FOSL2: variants seen among roughly 807,000 people sequenced by gnomAD.
FOSL2 encodes FOS like 2, AP-1 transcription factor subunit, also known as fos-related antigen 2.
Under a neutral mutation model 27.7 loss-of-function variants are expected in FOSL2, and 3 were observed. That is an observed-to-expected ratio of 0.11 (90% CI 0.05 to 0.28). FOSL2 has a LOEUF of 0.28. Among genes scored for constraint, FOSL2 ranks in the 10% least tolerant of loss-of-function variants. The pLI is 1.00. For synonymous variants in FOSL2, 179 were observed against 190.1 expected, an observed-to-expected ratio of 0.94 and a Z score of 0.48; for missense variants, 333 against 445.1, an observed-to-expected ratio of 0.75 and a Z score of 2.27.
intron 1 of FOSL2, among the ~76,000 whole-genome samples, chr2:28,400,945 G>A (rs1663958747): frequency 1.3e-5 from 2 of 152,154 alleles, no homozygotes; most frequent in African/African-American, 2.4e-5. Flanking sequence ...GACTTTCTTA[G>A]GTGCTTTCCT....
intron 1 of FOSL2, among the ~76,000 whole-genome samples, chr2:28,400,149 G>A (rs1017238312): frequency 1.3e-5 from 2 of 152,172 alleles, no homozygotes; most frequent in Non-Finnish European, 2.9e-5. Context: ...AGAGCCCCAG[G>A]CAGCCGAGTG....
chr2:28,397,031 A>C (rs1663859826), intron 1 of FOSL2: 1 of 152,078 alleles, frequency 6.6e-6, no homozygotes, highest in Admixed American at 6.6e-5. Flanking sequence ...TAAATTGGTG[A>C]GTTTGGAATT....
intron 1 of FOSL2, among the ~76,000 whole-genome samples, chr2:28,402,978 G>T (rs1186575130): frequency 6.6e-6 from 1 of 152,176 alleles, no homozygotes; most frequent in Non-Finnish European, 1.5e-5. Flanking sequence ...TTTAGTAAGT[G>T]CCCAGGAAGT....
At position 28,412,759 on chromosome 2, in the gene FOSL2, T is replaced by C; in HGVS notation, c.*311T>C. The C allele has an allele frequency of 2.6e-6, 1 of 381,000 alleles. No homozygotes were observed. The highest frequency in any genetic ancestry group is 4.9e-6 in the Non-Finnish European group (1 of 204,932). 23.6% of individuals were successfully genotyped at this position (381,000 alleles called of 1,614,324 possible). On this transcript the variant is annotated 3_prime_UTR_variant, in exon 4 of 4. Coordinates refer to ENST00000264716, the MANE Select transcript of FOSL2 (RefSeq NM_005253.4). This position sits in a 1 kb window ranked among gnomAD's most constrained non-coding sequence, Gnocchi z 7.1. ...GCTTCTGAAGAGCCTGAAGCTGGCCTGGACCATTCCTGTCCCTTTGTTACC... is the reference window on the plus strand; with the variant it reads ...GCTTCTGAAGAGCCTGAAGCTGGCCCGGACCATTCCTGTCCCTTTGTTACC...
Position 28,412,604 on chromosome 2 carries a change from G to A in FOSL2, c.*156G>A. 1.3e-6 allele frequency: 1 copy of A among 753,012 alleles called. No individual in the cohort carries two copies. Among genetic ancestry groups the A allele is most frequent in the Non-Finnish European group, 2.1e-6 (1 of 475,006 alleles). The allele number at this position is 753,012 out of a possible 1,614,324, so 46.6% of individuals were successfully genotyped here. A position where few individuals can be genotyped will look rare whatever the true frequency, so the allele number is the denominator to read the frequency against. On this transcript the variant is annotated 3_prime_UTR_variant, in exon 4 of 4. Coordinates refer to ENST00000264716, the MANE Select transcript of FOSL2 (RefSeq NM_005253.4). The surrounding 1 kb of genome is among the most constrained non-coding windows in gnomAD (Gnocchi z 7.1). ...TGGGGGACCCAGGTGGGACTTAGCAGTGAGTATTGGAAGACTTGGGTTGAT... is the reference window on the plus strand; with the variant it reads ...TGGGGGACCCAGGTGGGACTTAGCAATGAGTATTGGAAGACTTGGGTTGAT...
rs1664045330 is a variant in FOSL2, at chr2:28,404,854, AG to A, written c.354+497del. ...TGCCCACGACTTCCCATTCCTCCTC[AG>A]TGTTCTAGGCCTCCAACTCGGAGCA... On this transcript the variant is annotated intron_variant, in intron 2 of 3. Coordinates refer to ENST00000264716, the MANE Select transcript of FOSL2 (RefSeq NM_005253.4). This position sits in a 1 kb window ranked among gnomAD's most constrained non-coding sequence, Gnocchi z 4.7. Among the ~76,000 whole-genome samples, 1 of 152,066 alleles carries A rather than the reference AG, an allele frequency of 6.6e-6. No homozygotes were observed. The highest frequency in any genetic ancestry group is 1.5e-5 in the Non-Finnish European group (1 of 68,012).
chr2:28,406,651 G>A (rs1015402133), intron 2 of FOSL2, among the ~76,000 whole-genome samples: 3 of 152,202 alleles, frequency 2.0e-5, no homozygotes, highest in African/African-American at 2.4e-5. Flanking sequence ...TTGAGAGGGA[G>A]GGAGAGAACA....
chr2:28,398,231 A>G (rs1032700319), intron 1 of FOSL2, among the ~76,000 whole-genome samples: 3 of 152,234 alleles, frequency 2.0e-5, no homozygotes, highest in Non-Finnish European at 4.4e-5. Context: ...CAGTATTTCA[A>G]AATGACAGCA....
At position 28,411,981 on chromosome 2, in the gene FOSL2, G is replaced by A. The variant is rs765234560; in HGVS notation, c.514G>A (p.Glu172Lys). The A allele has an allele frequency of 4.3e-6, 7 of 1,614,008 alleles. No individual in the cohort carries two copies. In the African/African-American group the frequency reaches 9.3e-5, roughly 22 times the overall value. ...GTCAGGCCTGCAGAAGGAGATTGCT[G>A]AGCTGCAGAAGGAGAAGGAGAAGCT... ...EKSGLQKEIA[E>K]LQKEKEKLEF... is the part of the protein sequence containing the mutation. Residue 172 changes from glutamate to lysine, a missense_variant, in exon 4 of 4, where the codon GAG becomes AAG. Around this residue, in one of 4 missense-constraint regions of FOSL2, gnomAD observed 40 missense variants for 104.2 expected, o/e 0.38. Transcript: ENST00000264716.
At chr2:28,411,437 A>G (rs1283209000) in intron 3 of FOSL2, among the ~76,000 whole-genome samples, 2 of 150,626 alleles carry the variant, frequency 1.3e-5, no homozygotes, top group Non-Finnish European at 3.0e-5. Context: ...CTCACCCCTC[A>G]GGGGTACCGA....
intron 2 of FOSL2, among the ~76,000 whole-genome samples, chr2:28,406,243 G>A (rs1383906249): frequency 1.3e-5 from 2 of 151,930 alleles, no homozygotes; most frequent in Non-Finnish European, 2.9e-5. Flanking sequence ...TGTACTTTTA[G>A]TAGAGATGGA....
intron 2 of FOSL2, among the ~76,000 whole-genome samples, chr2:28,406,986 A>G (rs1201317790): frequency 6.6e-6 from 1 of 152,154 alleles, no homozygotes; most frequent in Non-Finnish European, 1.5e-5. Flanking sequence ...CTCAAGCTGG[A>G]ACCATGTTGA....
chr2:28,402,860 C>T (rs1461340967), intron 1 of FOSL2, among the ~76,000 whole-genome samples: 1 of 152,210 alleles, frequency 6.6e-6, no homozygotes, highest in Non-Finnish European at 1.5e-5. Flanking sequence ...GAATAAGTTA[C>T]TTAATCTCAC....
chr2:28,409,815 A>T (rs531419894), intron 3 of FOSL2, among the ~76,000 whole-genome samples: 2 of 152,288 alleles, frequency 1.3e-5, no homozygotes, highest in South Asian at 4.2e-4. Flanking sequence ...ATCTCAGCTC[A>T]CTGCAACCTC....
At chr2:28,401,239 A>T (rs1265125986) in intron 1 of FOSL2, among the ~76,000 whole-genome samples, 2 of 52,396 alleles carry the variant, frequency 3.8e-5, no homozygotes, top group Non-Finnish European at 1.1e-4. Context: ...TTGGGGGTTT[A>T]AAAAAAAAAA....
In FOSL2 at chr2:28,411,909, A is replaced by G. The variant is rs12621283; in HGVS notation, c.463-21A>G. 4,609 of 1,614,054 alleles carry G rather than the reference A, an allele frequency of 2.9e-3. 117 individuals carry two copies. In the East Asian group the frequency reaches 0.056, roughly 20 times the overall value. ...TCCCTGGCAGGTTGCTGTCCCTCAC[A>G]TCCCTCTCTTTCCGTGGCAGGAGAC... On this transcript the variant is annotated intron_variant, in intron 3 of 3. Transcript: ENST00000264716.
chr2:28,413,597 C>G lies in FOSL2; in HGVS notation c.*1149C>G, dbSNP rs994288703. ...AGGGGAGGGAGGCGGGAGGCCGTCA[C>G]TGGAGTGGCGTCTGCAGCAGCTGCT... On this transcript the variant is annotated 3_prime_UTR_variant, in exon 4 of 4. Transcript: ENST00000264716. 2.5e-6 allele frequency: 1 copy of G among 398,716 alleles called. No homozygotes were observed. Among genetic ancestry groups the G allele is most frequent in the South Asian group, 1.3e-4 (1 of 7,868 alleles). 24.7% of individuals were successfully genotyped at this position (398,716 alleles called of 1,614,324 possible).
intron 1 of FOSL2, among the ~76,000 whole-genome samples, chr2:28,400,759 C>T (rs753739392): frequency 1.3e-5 from 2 of 152,158 alleles, no homozygotes; most frequent in East Asian, 1.9e-4. Flanking sequence ...TGATGTATAC[C>T]GGGGAGCACA....
rs1490797180 is a variant in FOSL2 at position 28,413,616 on chromosome 2, A to AGCT, written c.*1174_*1176dup. On this transcript the variant is annotated 3_prime_UTR_variant, in exon 4 of 4. Transcript: ENST00000264716. Reference sequence around the variant, plus strand: ...CCGTCACTGGAGTGGCGTCTGCAGCAGCTGCTGCCCCAGCACCCGCTCAGC... The same window carrying AGCT: ...CCGTCACTGGAGTGGCGTCTGCAGCAGCTGCTGCTGCCCCAGCACCCGCTCAGC... The AGCT allele has an allele frequency of 2.5e-6, 1 of 398,744 alleles. No homozygotes were observed. Among genetic ancestry groups the AGCT allele is most frequent in the Non-Finnish European group, 4.4e-6 (1 of 226,258 alleles). The allele number at this position is 398,744 out of a possible 1,614,324, so 24.7% of individuals were successfully genotyped here. A position where few individuals can be genotyped will look rare whatever the true frequency, so the allele number is the denominator to read the frequency against.
Sources: gnomAD v4.1 joint callset for allele counts (sites outside exome capture counted in the v4.1 genomes callset) on GRCh38, gnomAD v4.1.1 for gene constraint, gnomAD v4.1.1 regional missense constraint, Gnocchi (gnomAD v3.1) non-coding constraint, MANE v1.5 for transcripts, NCBI Gene and HGNC (gene_info 2026-07-23, HGNC 2026-07-21) for gene names.